The following FAM163A variants were observed in gnomAD, a reference collection of about 807,000 sequenced individuals.
FAM163A encodes the protein protein FAM163A.
A neutral mutation model predicts 12.0 loss-of-function variants in FAM163A; 7 were observed. The observed-to-expected ratio is 0.58, with a 90% confidence interval of 0.33 to 1.10. The LOEUF (loss-of-function observed/expected upper bound fraction) is 1.10, where lower values mean the gene tolerates loss of function less well. Ranked by LOEUF, FAM163A falls within the 50% of genes least tolerant of loss-of-function variation. The pLI, the probability that FAM163A is intolerant of heterozygous loss-of-function variation, is 0.03. For missense variants in FAM163A, 202 were observed against 218.6 expected (o/e 0.92, Z 0.48); for synonymous variants, 101 against 91.0 (o/e 1.11, Z -0.62).
At chr1:179,782,950 T>G (rs1348718813) in intron 1 of FAM163A, among the ~76,000 whole-genome samples, 2 of 152,058 alleles carry the variant, frequency 1.3e-5, no homozygotes, top group East Asian at 3.9e-4. Context: ...CTTGGATGGT[T>G]TGAAAGCCAT....
chr1:179,811,035 T>A (rs1694632358), intron 2 of FAM163A, among the ~76,000 whole-genome samples: 1 of 151,972 alleles, frequency 6.6e-6, no homozygotes, highest in South Asian at 2.1e-4. Context: ...AGAGTGAGAC[T>A]CTGTCTCCAA....
chr1:179,800,334 G>A (rs968813340), intron 1 of FAM163A, among the ~76,000 whole-genome samples: 3 of 152,214 alleles, frequency 2.0e-5, no homozygotes, highest in Non-Finnish European at 2.9e-5. Context: ...GAAGGGGTAC[G>A]CTCAGCCTTG....
At chr1:179,747,167 G>GAA (rs56223950) in intron 1 of FAM163A, among the ~76,000 whole-genome samples, 5 of 22,644 alleles carry the variant, frequency 2.2e-4, no homozygotes, top group African/African-American at 3.7e-4. Context: ...GAGATGCTTG[G>GAA]AAAAAAAAAA....
At chr1:179,763,454 T>C (rs958219357) in intron 1 of FAM163A, among the ~76,000 whole-genome samples, 2 of 152,196 alleles carry the variant, frequency 1.3e-5, no homozygotes, top group African/African-American at 4.8e-5. Context: ...TACAGAGCAG[T>C]GCCATCGAAA....
rs538172952 is a variant in FAM163A, at chr1:179,807,620, G to A, written c.-135-178G>A. 1.2e-4 allele frequency among the ~76,000 whole-genome samples: 18 copies of A among 152,334 alleles called. No individual in the cohort carries two copies. The South Asian group carries it at 3.7e-3, about 32-fold the overall frequency. On this transcript the variant is annotated intron_variant, in intron 1 of 4. Coordinates refer to ENST00000341785, the MANE Select transcript of FAM163A (RefSeq NM_173509.3). Reference sequence around the variant, plus strand: ...GTGTAACCTTACAGGTCTGTCCTCAGGTTCTTAGGCTGGGGCCTCGGAAAC... The same window carrying A: ...GTGTAACCTTACAGGTCTGTCCTCAAGTTCTTAGGCTGGGGCCTCGGAAAC...
upstream of FAM163A, among the ~76,000 whole-genome samples, chr1:179,741,391 T>C (rs1399646979): frequency 1.3e-5 from 2 of 152,246 alleles, no homozygotes. Flanking sequence ...CTAATAAAAC[T>C]AAATATATGC....
chr1:179,765,131 C>G (rs1687314974), intron 1 of FAM163A, among the ~76,000 whole-genome samples: 1 of 152,170 alleles, frequency 6.6e-6, no homozygotes, highest in South Asian at 2.1e-4. Context: ...CTTCCTCGCC[C>G]CATGGCTGCC....
intron 1 of FAM163A, among the ~76,000 whole-genome samples, chr1:179,790,536 G>A (rs536806743): frequency 7.9e-5 from 12 of 152,242 alleles, no homozygotes; most frequent in Non-Finnish European, 1.5e-4. Flanking sequence ...GATAAACGAC[G>A]AGTTGGTTCG....
the FAM163A span, chr1:179,730,117 A>C: frequency 6.6e-6 from 1 of 152,198 alleles, no homozygotes; most frequent in African/African-American, 2.4e-5. Flanking sequence ...ATCCTAATTC[A>C]CTATCCTGAT....
the FAM163A span, among the ~76,000 whole-genome samples, chr1:179,735,876 G>C: frequency 6.6e-6 from 1 of 152,192 alleles, no homozygotes; most frequent in Non-Finnish European, 1.5e-5. Flanking sequence ...TGGATTTGGT[G>C]ACTCGCTGTC....
At chr1:179,790,756 G>A (rs1277628305) in intron 1 of FAM163A, among the ~76,000 whole-genome samples, 4 of 147,040 alleles carry the variant, frequency 2.7e-5, no homozygotes, top group East Asian at 1.9e-4. Context: ...CTGTCAAGGT[G>A]GGAGAAGGCA....
chr1:179,813,700 G>C (rs899873960), intron 4 of FAM163A, 79 bp from the exon 5 acceptor site: 1 of 1,523,364 alleles, frequency 6.6e-7, no homozygotes, highest in Non-Finnish European at 8.9e-7. Context: ...AGGGGACAGG[G>C]GCACCTGTGC....
chr1:179,809,056 G>A (rs907837670), intron 2 of FAM163A, among the ~76,000 whole-genome samples: 3 of 152,026 alleles, frequency 2.0e-5, no homozygotes, highest in African/African-American at 7.2e-5. Flanking sequence ...GCAGTGAGCC[G>A]AGATTGCAGC....
At chr1:179,757,297 A>G (rs10913879) in intron 1 of FAM163A, among the ~76,000 whole-genome samples, 38,008 of 152,054 alleles carry the variant, frequency 0.25, 5,372 homozygotes, top group East Asian at 0.63. Flanking sequence ...ACTAAGTGGA[A>G]CGTGGTCTGA....
At position 179,814,033 on chromosome 1, in the gene FAM163A, G is replaced by C. The variant is rs1269785580; in HGVS notation, c.348G>C (p.Gly116=). The change falls in exon 5 of 5, where the codon GGG becomes GGC. Residue 116 remains glycine (G), a synonymous_variant. Coordinates refer to ENST00000341785, the MANE Select transcript of FAM163A (RefSeq NM_173509.3). ...GGACGGCTGACATGGTGCCCAATGG[G>C]GGTGGAGGCGAGAGGCTCTCCTTTG... The part of the protein sequence containing the change: ...YIRTADMVPN[G]GGGERLSFAP... 6.2e-7 allele frequency: 1 copy of C among 1,613,434 alleles called. No individual in the cohort carries two copies. The highest frequency in any genetic ancestry group is 1.3e-5 in the African/African-American group (1 of 74,928).
At chr1:179,802,458 C>T (rs533435190) in intron 1 of FAM163A, among the ~76,000 whole-genome samples, 5 of 152,204 alleles carry the variant, frequency 3.3e-5, no homozygotes, top group East Asian at 1.9e-4. Flanking sequence ...CCTGAGTTTA[C>T]GGGTCCACTC....
At chr1:179,812,064 G>C (rs1048120523) in intron 2 of FAM163A, 46 bp from the exon 3 acceptor site, 8 of 152,636 alleles carry the variant, frequency 5.2e-5, no homozygotes, top group Non-Finnish European at 8.8e-5. Flanking sequence ...TTTTCAGTGA[G>C]TAACTCTCTT....
intron 1 of FAM163A, among the ~76,000 whole-genome samples, chr1:179,767,270 G>T (rs1687637110): frequency 6.6e-6 from 1 of 152,096 alleles, no homozygotes; most frequent in South Asian, 2.1e-4. Context: ...CCTGCTCACT[G>T]TTGCCTGGCT....
intron 1 of FAM163A, among the ~76,000 whole-genome samples, chr1:179,769,468 C>T (rs1687964338): frequency 6.6e-6 from 1 of 152,164 alleles, no homozygotes; most frequent in African/African-American, 2.4e-5. Context: ...TCTTAAAAAA[C>T]TCTTTTCATC....
Sources: gnomAD v4.1 joint callset for allele counts (sites outside exome capture counted in the v4.1 genomes callset) on GRCh38, gnomAD v4.1.1 for gene constraint, MANE v1.5 for transcripts, NCBI Gene and HGNC (gene_info 2026-07-23, HGNC 2026-07-21) for gene names.